The following CDKL4 variants were observed in gnomAD, a reference collection of about 807,000 sequenced individuals.
CDKL4 encodes the protein cyclin-dependent kinase-like 4.
In CDKL4, 44 loss-of-function variants were observed where a neutral mutation model predicts 42.0. The observed-to-expected ratio is 1.05, with a 90% CI of 0.82 to 1.35. The LOEUF is 1.35. Ranked by LOEUF, CDKL4 falls within the 40% of genes most tolerant of loss-of-function variation. The probability of loss-of-function intolerance (pLI) is 0.00; values close to 1 mark genes in which losing one functional copy is unlikely to be tolerated. For missense variants in CDKL4, 393 were observed against 369.9 expected (o/e 1.06, Z -0.51); for synonymous variants, 120 against 121.6 (o/e 0.99, Z 0.09).
intron 7 of CDKL4, among the ~76,000 whole-genome samples, chr2:39,185,532 G>T (rs1185185180): frequency 6.8e-6 from 1 of 148,062 alleles, no homozygotes; most frequent in Non-Finnish European, 1.5e-5. Flanking sequence ...GCACGAACAA[G>T]GCTCACAGCA....
chr2:39,202,426 C>G (rs2148329947), intron 5 of CDKL4, among the ~76,000 whole-genome samples: 1 of 152,280 alleles, frequency 6.6e-6, no homozygotes. Context: ...AACATTCTGG[C>G]TATTAATTCT....
At chr2:39,228,520 G>A (rs575977135) in intron 2 of CDKL4, among the ~76,000 whole-genome samples, 1 of 152,150 alleles carries the variant, frequency 6.6e-6, no homozygotes, top group Non-Finnish European at 1.5e-5. Context: ...AATGAAGGTT[G>A]CCTGTGTGTC....
At chr2:39,233,088 A>AAAAGG (rs746041838) in intron 1 of CDKL4, among the ~76,000 whole-genome samples, 2 of 146,878 alleles carry the variant, frequency 1.4e-5, no homozygotes, top group African/African-American at 2.5e-5. Flanking sequence ...AAAAGAAAAG[A>AAAAGG]AAAGCCTAAA....
chr2:39,202,410 G>A (rs1043141930), intron 5 of CDKL4, among the ~76,000 whole-genome samples: 1 of 152,204 alleles, frequency 6.6e-6, no homozygotes, highest in African/African-American at 2.4e-5. Context: ...TTGAGTCATA[G>A]TTCTGAACAT....
intron 3 of CDKL4, among the ~76,000 whole-genome samples, chr2:39,224,274 T>G (rs886352314): frequency 2.0e-5 from 3 of 152,128 alleles, no homozygotes; most frequent in African/African-American, 7.2e-5. Context: ...TTTCAAAAAA[T>G]ACCCTATTGG....
At chr2:39,219,469 G>A (rs1029468338) in intron 3 of CDKL4, among the ~76,000 whole-genome samples, 1 of 151,922 alleles carries the variant, frequency 6.6e-6, no homozygotes, top group Admixed American at 6.6e-5. Flanking sequence ...CACTCAGGCT[G>A]GAGTGCAATG....
intron 6 of CDKL4, 142 bp downstream of exon 6, chr2:39,190,163 C>T: frequency 3.4e-6 from 2 of 589,296 alleles, no homozygotes; most frequent in Non-Finnish European, 5.5e-6. Context: ...CAACCCAGAA[C>T]TGAGAACAAC....
chr2:39,219,794 C>T (rs13419138), intron 3 of CDKL4, among the ~76,000 whole-genome samples: 1 of 152,082 alleles, frequency 6.6e-6, no homozygotes, highest in Non-Finnish European at 1.5e-5. Context: ...CTTTGGTGAA[C>T]TAAGTGTGAT....
chr2:39,211,319 T>C (rs1291879832), intron 4 of CDKL4, among the ~76,000 whole-genome samples: 1 of 152,210 alleles, frequency 6.6e-6, no homozygotes. Context: ...GCCCAGGAGT[T>C]TGAGGCTCAA....
chr2:39,213,659 T>A (rs1677725866), intron 3 of CDKL4, among the ~76,000 whole-genome samples, 187 bp from the exon 4 acceptor site: 1 of 152,126 alleles, frequency 6.6e-6, no homozygotes, highest in Admixed American at 6.5e-5. Flanking sequence ...GTAATTTCCT[T>A]TTGTAATTTG....
chr2:39,190,996 T>C (rs982245051), intron 5 of CDKL4, among the ~76,000 whole-genome samples: 2 of 152,194 alleles, frequency 1.3e-5, no homozygotes, highest in African/African-American at 4.8e-5. Flanking sequence ...ATGACTTGAA[T>C]CCTTACAGGG....
chr2:39,185,498 C>T (rs946366649), intron 7 of CDKL4, among the ~76,000 whole-genome samples: 6 of 144,708 alleles, frequency 4.1e-5, no homozygotes, highest in East Asian at 2.0e-4. Context: ...GAGTCTCTGT[C>T]GCCCAGGCTG....
rs146164108 is a variant in CDKL4 at position 39,178,987 on chromosome 2, A to ATT, written c.927+198_927+199dup. 193 of 1,441,920 alleles carry ATT rather than the reference A, an allele frequency of 1.3e-4. 1 individual carries two copies. In the African/African-American group the frequency reaches 2.6e-3, roughly 19 times the overall value. 89.3% of individuals were successfully genotyped at this position (1,441,920 alleles called of 1,614,324 possible). ...TTGATTCAGGTGTGTTTGGAATAAGATTTTTGCAATAATCTTGATATTTTC... is the reference window on the plus strand; with the variant it reads ...TTGATTCAGGTGTGTTTGGAATAAGATTTTTTTGCAATAATCTTGATATTTTC... On this transcript the variant is annotated intron_variant, in intron 9 of 9. Coordinates refer to ENST00000451199, the Ensembl canonical transcript of CDKL4.
chr2:39,243,762 C>A (rs957981423), intron 1 of CDKL4, among the ~76,000 whole-genome samples, 109 bp downstream of exon 1: 1 of 152,264 alleles, frequency 6.6e-6, no homozygotes, highest in Non-Finnish European at 1.5e-5. Context: ...TTTCGGGGAA[C>A]TTTTCTTGGT....
intron 3 of CDKL4, among the ~76,000 whole-genome samples, chr2:39,219,369 T>C (rs1210622684): frequency 6.6e-6 from 1 of 152,114 alleles, no homozygotes; most frequent in Non-Finnish European, 1.5e-5. Context: ...ATGGCTGGGA[T>C]GCTGGCAGAT....
chr2:39,219,472 G>A (rs188859319), intron 3 of CDKL4, among the ~76,000 whole-genome samples: 34 of 152,014 alleles, frequency 2.2e-4, no homozygotes, highest in African/African-American at 8.2e-4. Flanking sequence ...TCAGGCTGGA[G>A]TGCAATGGCA....
chr2:39,171,981 A>C (rs1272777058), downstream of CDKL4, among the ~76,000 whole-genome samples: 1 of 152,208 alleles, frequency 6.6e-6, no homozygotes, highest in Non-Finnish European at 1.5e-5. Context: ...GATTCTATGA[A>C]GAGTCTGGGA....
intron 8 of CDKL4, among the ~76,000 whole-genome samples, chr2:39,180,200 G>C (rs534609800): frequency 6.6e-6 from 1 of 152,344 alleles, no homozygotes; most frequent in East Asian, 1.9e-4. Flanking sequence ...GTAACATAGT[G>C]AGACCGCATC....
In CDKL4 at chr2:39,194,306, A is replaced by G. The variant is rs139280088; in HGVS notation, c.455-3804T>C. ...ACACTGTGTCTACCAAAAATACAAA[A>G]ATTAGCCCTATCAAAAATACAAAAA... On this transcript the variant is annotated intron_variant, in intron 5 of 9. Transcript: ENST00000451199. 2.0e-3 allele frequency among the ~76,000 whole-genome samples: 311 copies of G among 152,296 alleles called. 1 individual carries two copies. Among genetic ancestry groups the G allele is most frequent in the Middle Eastern group, 0.01 (3 of 294 alleles).
Sources: gnomAD v4.1 joint callset for allele counts (sites outside exome capture counted in the v4.1 genomes callset) on GRCh38, gnomAD v4.1.1 for gene constraint, MANE v1.5 for transcripts, NCBI Gene and HGNC (gene_info 2026-07-23, HGNC 2026-07-21) for gene names.